ATXN1: variants seen among roughly 807,000 people sequenced by gnomAD.
The protein encoded by ATXN1 is ataxin-1.
ATXN1 carries 8 observed loss-of-function variants against 56.4 expected under a neutral mutation model. That is an observed-to-expected ratio of 0.14 (90% CI 0.08 to 0.26). The LOEUF (loss-of-function observed/expected upper bound fraction) is 0.26. Among genes scored for constraint, ATXN1 ranks in the 10% least tolerant of loss-of-function variants. The pLI is 1.00. For missense variants in ATXN1, 987 were observed against 1,106.5 expected (o/e 0.89, Z 1.53); for synonymous variants, 514 against 494.6 (o/e 1.04, Z -0.52).
At chr6:16,466,717 A>G (rs1449733349) in intron 6 of ATXN1, among the ~76,000 whole-genome samples, 1 of 152,236 alleles carries the variant, frequency 6.6e-6, no homozygotes, top group Non-Finnish European at 1.5e-5. Flanking sequence ...ATATCCATAG[A>G]AAATCTTCTG....
chr6:16,416,405 T>C (rs1009011827), intron 6 of ATXN1, among the ~76,000 whole-genome samples: 13 of 152,250 alleles, frequency 8.5e-5, no homozygotes, highest in African/African-American at 2.4e-4. Context: ...CTTCTATCCC[T>C]GTGGCCTTTT....
chr6:16,428,230 T>G (rs1464609747), intron 6 of ATXN1, among the ~76,000 whole-genome samples: 2 of 151,176 alleles, frequency 1.3e-5, no homozygotes, highest in Non-Finnish European at 2.9e-5. Flanking sequence ...GTGATTCTCC[T>G]GCCTCAGCCT....
chr6:16,518,548 C>T (rs973587613), intron 5 of ATXN1, among the ~76,000 whole-genome samples: 3 of 152,120 alleles, frequency 2.0e-5, no homozygotes, highest in African/African-American at 7.2e-5. Flanking sequence ...TTCTGGCCCC[C>T]GTCTGCCTCA....
At chr6:16,334,185 C>T (rs774711867) in intron 6 of ATXN1, among the ~76,000 whole-genome samples, 5 of 152,060 alleles carry the variant, frequency 3.3e-5, no homozygotes, top group East Asian at 1.9e-4. Context: ...ATATATGTTG[C>T]GAATAAGATT....
intron 4 of ATXN1, among the ~76,000 whole-genome samples, chr6:16,570,893 T>C (rs900306558): frequency 6.6e-6 from 1 of 152,154 alleles, no homozygotes; most frequent in Non-Finnish European, 1.5e-5. Flanking sequence ...CCTCATCACT[T>C]TGTTGCATCT....
rs117982177 is a variant in ATXN1 at position 16,747,014 on chromosome 6, G to A, written c.-615+6219C>T. On this transcript the variant is annotated intron_variant, in intron 2 of 7. Transcript: ENST00000436367. ...TGTTGCAGGGCAGGCAACAGAAACT[G>A]AGCCTCCAAACTACCAGTCCAACAG... Among the ~76,000 whole-genome samples, 836 of 152,216 alleles carry A rather than the reference G, an allele frequency of 5.5e-3. 14 individuals carry two copies. The highest frequency in any genetic ancestry group is 0.032 in the Admixed American group (483 of 15,292).
intron 5 of ATXN1, among the ~76,000 whole-genome samples, chr6:16,512,143 C>A (rs374299153): frequency 6.6e-6 from 1 of 152,200 alleles, no homozygotes; most frequent in Non-Finnish European, 1.5e-5. Flanking sequence ...ATAAAGATAT[C>A]ATTACCCTCA....
intron 3 of ATXN1, among the ~76,000 whole-genome samples, chr6:16,629,024 T>C (rs1269955023): frequency 6.6e-6 from 1 of 152,236 alleles, no homozygotes; most frequent in Non-Finnish European, 1.5e-5. Context: ...GTTCTGCTTT[T>C]AGCTCTTTGC....
chr6:16,587,343 T>C (rs547242966), intron 3 of ATXN1, among the ~76,000 whole-genome samples: 1 of 152,288 alleles, frequency 6.6e-6, no homozygotes, highest in African/African-American at 2.4e-5. Context: ...AAAGTAAAGA[T>C]ATGAAAATGA....
At chr6:16,526,765 C>CA (rs34515868) in intron 4 of ATXN1, among the ~76,000 whole-genome samples, 63,729 of 116,230 alleles carry the variant, frequency 0.55, 15,844 homozygotes, top group East Asian at 0.75. Context: ...AACTTCATCT[C>CA]AAAAAAAAAA....
chr6:16,309,709 G>C (rs9477081), intron 7 of ATXN1, among the ~76,000 whole-genome samples: 2,649 of 152,256 alleles, frequency 0.017, 86 homozygotes, highest in African/African-American at 0.06. Context: ...AAGACATCTT[G>C]TAAACTAAAC....
intron 4 of ATXN1, among the ~76,000 whole-genome samples, chr6:16,574,337 C>T (rs1189913094): frequency 4.6e-5 from 7 of 152,252 alleles, no homozygotes; most frequent in Non-Finnish European, 1.0e-4. Context: ...TCTTGAGTAG[C>T]TGGGATTACA....
intron 4 of ATXN1, among the ~76,000 whole-genome samples, chr6:16,552,372 T>G (rs1761936938): frequency 6.6e-6 from 1 of 152,188 alleles, no homozygotes; most frequent in Non-Finnish European, 1.5e-5. Flanking sequence ...AGATACTCCT[T>G]TAACAGGAGT....
intron 4 of ATXN1, among the ~76,000 whole-genome samples, chr6:16,556,257 T>C (rs1430028958): frequency 6.6e-6 from 1 of 152,252 alleles, no homozygotes; most frequent in Non-Finnish European, 1.5e-5. Flanking sequence ...ATCAGGTGAC[T>C]TGATCTGGGG....
chr6:16,387,724 T>C lies in ATXN1; in HGVS notation c.-160-59254A>G, dbSNP rs1468275962. Among the ~76,000 whole-genome samples the C allele has an allele frequency of 1.3e-5, 2 of 152,210 alleles. 1 individual carries two copies. Among genetic ancestry groups the C allele is most frequent in the African/African-American group, 4.8e-5 (2 of 41,452 alleles). On this transcript the variant is annotated intron_variant, in intron 6 of 7. Coordinates refer to ENST00000436367, the MANE Select transcript of ATXN1 (RefSeq NM_001128164.2). ...ACACTCTCTAGAACAGATAGCATTGTCTTAGGGTTCTTCTGTATTTAATTC... is the reference window on the plus strand; with the variant it reads ...ACACTCTCTAGAACAGATAGCATTGCCTTAGGGTTCTTCTGTATTTAATTC...
chr6:16,395,270 CAAAAAAAAA>C (rs748314030), intron 6 of ATXN1, among the ~76,000 whole-genome samples: 2 of 48,456 alleles, frequency 4.1e-5, no homozygotes, highest in African/African-American at 9.1e-5. Context: ...AACTCCGTCT[CAAAAAAAAA>C]AAAAAAAAAA....
At chr6:16,459,886 C>G (rs1042725550) in intron 6 of ATXN1, among the ~76,000 whole-genome samples, 1 of 152,164 alleles carries the variant, frequency 6.6e-6, no homozygotes, top group Non-Finnish European at 1.5e-5. Flanking sequence ...AACTTTCTAG[C>G]TAATCAAGGG....
intron 6 of ATXN1, among the ~76,000 whole-genome samples, chr6:16,452,819 T>A (rs1424494487): frequency 1.3e-5 from 2 of 152,222 alleles, no homozygotes; most frequent in Non-Finnish European, 2.9e-5. Flanking sequence ...TTGAAAATGT[T>A]ACAGACAATT....
intron 3 of ATXN1, among the ~76,000 whole-genome samples, chr6:16,606,584 G>C (rs139999045): frequency 6.6e-6 from 1 of 151,102 alleles, no homozygotes; most frequent in Non-Finnish European, 1.5e-5. Context: ...GCTGGAGTCC[G>C]GTGGTGCGAT....
Sources: gnomAD v4.1 joint callset for allele counts (sites outside exome capture counted in the v4.1 genomes callset) on GRCh38, gnomAD v4.1.1 for gene constraint, MANE v1.5 for transcripts, NCBI Gene and HGNC (gene_info 2026-07-23, HGNC 2026-07-21) for gene names.